Variants in ATRX observed in about 807,000 individuals in gnomAD.
The protein encoded by ATRX is chromatin remodeler ATRX.
ATRX carries 12 observed loss-of-function variants against 172.6 expected under a neutral mutation model. That is an observed-to-expected ratio of 0.07 (90% CI 0.04 to 0.11). The LOEUF is 0.11. Among genes scored for constraint, ATRX ranks in the 10% least tolerant of loss-of-function variants. The pLI is 1.00. For missense variants in ATRX, 1,368 were observed against 1,767.4 expected (o/e 0.77, Z 4.05); for synonymous variants, 674 against 594.7 (o/e 1.13, Z -1.94).
Position 77,559,328 on chromosome X carries a change from C to T in ATRX, c.6327-482G>A, listed in dbSNP as rs909531445. 7.1e-5 allele frequency among the ~76,000 whole-genome samples: 7 copies of T among 98,927 alleles called. No homozygotes were observed. In the South Asian group the frequency reaches 2.8e-3, roughly 40 times the overall value. 85.9% of individuals were successfully genotyped at this position (98,927 alleles called of 115,157 possible). A position where few individuals can be genotyped will look rare whatever the true frequency, so the allele number is the denominator to read the frequency against. ...ATGCAAGGTACTGAGGTAGATAAAA[C>T]AGAAGCAAGAAGACAGACACGGGGC... On this transcript the variant is annotated intron_variant, in intron 28 of 34. Coordinates refer to ENST00000373344, the MANE Select transcript of ATRX (RefSeq NM_000489.6).
At chrX:77,777,475 T>C (rs2076400119) in intron 1 of ATRX, among the ~76,000 whole-genome samples, 1 of 111,545 alleles carries the variant, frequency 9.0e-6, no homozygotes, top group Non-Finnish European at 1.9e-5. Context: ...CACAGTATGC[T>C]GATCCCTGAC....
At chrX:77,539,348 T>TA (rs1286889585) in intron 30 of ATRX, among the ~76,000 whole-genome samples, 1 of 111,152 alleles carries the variant, frequency 9.0e-6, no homozygotes, top group East Asian at 2.8e-4. Context: ...TACTGGTTTT[T>TA]AAAAAAATAT....
intron 2 of ATRX, among the ~76,000 whole-genome samples, chrX:77,716,611 C>G (rs192447391): frequency 1.3e-3 from 138 of 109,533 alleles, no homozygotes; most frequent in African/African-American, 4.3e-3. Context: ...AACATGGTGG[C>G]AGACGCCTGT....
intron 27 of ATRX, among the ~76,000 whole-genome samples, chrX:77,576,871 T>C (rs782114322): frequency 8.9e-6 from 1 of 112,081 alleles, no homozygotes; most frequent in African/African-American, 3.2e-5. Flanking sequence ...ATGTAATATT[T>C]GTCCTTTTTA....
intron 10 of ATRX, among the ~76,000 whole-genome samples, chrX:77,667,795 A>T (rs2070340149): frequency 1.8e-5 from 2 of 111,998 alleles, no homozygotes; most frequent in South Asian, 7.3e-4. Context: ...TAGAAGTACA[A>T]CTTAGCGACA....
chrX:77,734,928 T>C lies in ATRX; in HGVS notation c.21-17685A>G, dbSNP rs564049263. Among the ~76,000 whole-genome samples, 33 of 109,015 alleles carry C rather than the reference T, an allele frequency of 3.0e-4. 1 individual carries two copies. In the East Asian group the frequency reaches 9.3e-3, roughly 31 times the overall value. 94.7% of individuals were successfully genotyped at this position (109,015 alleles called of 115,157 possible). On this transcript the variant is annotated intron_variant, in intron 1 of 34. Coordinates refer to ENST00000373344, the MANE Select transcript of ATRX (RefSeq NM_000489.6). ...GAGTTCGAGATCAGCCTGGCCAACA[T>C]GGTGAAACCCCATCTCTACTCAAAA... is the stretch of plus-strand genomic sequence containing the variant.
chrX:77,546,242 C>T (rs2064236737), intron 30 of ATRX, among the ~76,000 whole-genome samples: 1 of 111,347 alleles, frequency 9.0e-6, no homozygotes, highest in African/African-American at 3.3e-5. Context: ...AAAATTGTAC[C>T]TGCTTTGTAA....
chrX:77,766,504 C>T (rs181669899), intron 1 of ATRX, among the ~76,000 whole-genome samples: 50 of 103,354 alleles, frequency 4.8e-4, no homozygotes, highest in East Asian at 4.3e-3. Flanking sequence ...ACTTCTCAGA[C>T]GGGGCGGCCA....
At chrX:77,707,974 C>T (rs1467564475) in intron 2 of ATRX, among the ~76,000 whole-genome samples, 1 of 112,020 alleles carries the variant, frequency 8.9e-6, no homozygotes, top group African/African-American at 3.2e-5. Context: ...TTATATACTC[C>T]TGGTGGAAAA....
intron 19 of ATRX, among the ~76,000 whole-genome samples, chrX:77,632,132 G>A (rs1274117177): frequency 2.7e-5 from 3 of 111,113 alleles, no homozygotes; most frequent in African/African-American, 9.8e-5. Flanking sequence ...CTGAGTAGCT[G>A]GGACTACAGG....
chrX:77,707,214 G>A lies in ATRX; in HGVS notation c.134-8585C>T, dbSNP rs781790415. On this transcript the variant is annotated intron_variant, in intron 2 of 34. Coordinates refer to ENST00000373344, the MANE Select transcript of ATRX (RefSeq NM_000489.6). Reference sequence around the variant, plus strand: ...TGGTGTTTGCAAGGCTAAGGAGAGGGAAGATTGGGGAGTTAGTATGTGATG... The same window carrying A: ...TGGTGTTTGCAAGGCTAAGGAGAGGAAAGATTGGGGAGTTAGTATGTGATG... Among the ~76,000 whole-genome samples, 8 of 112,063 alleles carry A rather than the reference G, an allele frequency of 7.1e-5. No individual in the cohort carries two copies. The East Asian group carries it at 2.3e-3, about 32-fold the overall frequency.
At chrX:77,537,413 C>T (rs1374990140) in intron 30 of ATRX, among the ~76,000 whole-genome samples, 4 of 111,938 alleles carry the variant, frequency 3.6e-5, no homozygotes, top group Admixed American at 1.9e-4. Context: ...TCACTCTCTT[C>T]ATCAAAATAC....
intron 1 of ATRX, among the ~76,000 whole-genome samples, chrX:77,782,368 T>C (rs374268969): frequency 8.0e-5 from 9 of 112,674 alleles, no homozygotes; most frequent in African/African-American, 2.6e-4. Context: ...CAAGGTAATA[T>C]AGCTGTCAGC....
intron 9 of ATRX, among the ~76,000 whole-genome samples, chrX:77,679,550 TATTA>T (rs1468951184): frequency 8.9e-6 from 1 of 111,917 alleles, no homozygotes; most frequent in Non-Finnish European, 1.9e-5. Context: ...AATGAATTCA[TATTA>T]ATTATTACAC....
chrX:77,646,636 T>C (rs1451903804), intron 15 of ATRX, among the ~76,000 whole-genome samples: 24 of 111,192 alleles, frequency 2.2e-4, no homozygotes, highest in Admixed American at 1.9e-3. Flanking sequence ...TATAAACCAA[T>C]TGGAGCTGGC....
chrX:77,507,041 A>G lies in ATRX; in HGVS notation c.*1310T>C, dbSNP rs782357127. 2.8e-4 allele frequency: 47 copies of G among 170,047 alleles called. No individual in the cohort carries two copies. The highest frequency in any genetic ancestry group is 1.4e-3 in the African/African-American group (45 of 33,004). 14.0% of individuals were successfully genotyped at this position (170,047 alleles called of 1,213,427 possible). On this transcript the variant is annotated 3_prime_UTR_variant, in exon 35 of 35. Transcript: ENST00000373344. ...TTCTTTAACAATTCAAGTAACCAAA[A>G]TTGTACATGAATAAATTTATAGGTC...
At chrX:77,714,316 G>A (rs186276350) in intron 2 of ATRX, among the ~76,000 whole-genome samples, 43 of 111,531 alleles carry the variant, frequency 3.9e-4, no homozygotes, top group African/African-American at 1.4e-3. Flanking sequence ...CCTTGTGATA[G>A]CCCGAGAAGG....
At chrX:77,707,418 A>C (rs1458897874) in intron 2 of ATRX, among the ~76,000 whole-genome samples, 1 of 112,624 alleles carries the variant, frequency 8.9e-6, no homozygotes, top group Non-Finnish European at 1.9e-5. Context: ...ATTCTTACAA[A>C]TCAACAATGA....
chrX:77,550,960 A>C (rs1203743431), intron 30 of ATRX, among the ~76,000 whole-genome samples: 2 of 111,637 alleles, frequency 1.8e-5, no homozygotes, highest in African/African-American at 3.3e-5. Context: ...TCAATGAAAT[A>C]AAAGAGGACA....
Sources: gnomAD v4.1 joint callset for allele counts (sites outside exome capture counted in the v4.1 genomes callset) on GRCh38, gnomAD v4.1.1 for gene constraint, MANE v1.5 for transcripts, NCBI Gene and HGNC (gene_info 2026-07-23, HGNC 2026-07-21) for gene names.